The following CNTNAP2 variants were observed in gnomAD, a reference collection of about 807,000 sequenced individuals.
The protein encoded by CNTNAP2 is contactin-associated protein-like 2.
In CNTNAP2, 98 loss-of-function variants were observed where a neutral mutation model predicts 155.2. The ratio of observed to expected loss-of-function variants is 0.63; its 90% CI spans 0.54 to 0.75. CNTNAP2 has a LOEUF of 0.75. Ranked by LOEUF, CNTNAP2 falls within the 30% of genes least tolerant of loss-of-function variation. The probability of loss-of-function intolerance (pLI) is 0.00; values close to 1 mark genes in which losing one functional copy is unlikely to be tolerated. For synonymous variants in CNTNAP2, 651 were observed against 631.2 expected (o/e 1.03, Z -0.47); for missense variants, 1,727 against 1,688.1 (o/e 1.02, Z -0.40).
chr7:146,263,283 A>G (rs140590035), intron 1 of CNTNAP2, among the ~76,000 whole-genome samples: 9,641 of 138,522 alleles, frequency 0.07, 965 homozygotes, highest in African/African-American at 0.28. Flanking sequence ...GGGAGGAAGG[A>G]AGGAAGGAAG....
chr7:148,010,536 TA>T (rs898936203), intron 15 of CNTNAP2, among the ~76,000 whole-genome samples: 30 of 151,932 alleles, frequency 2.0e-4, no homozygotes, highest in Non-Finnish European at 4.0e-4. Context: ...TCAATTTTTT[TA>T]ATGGTATAAT....
At chr7:146,662,396 C>T (rs1268215465) in intron 1 of CNTNAP2, among the ~76,000 whole-genome samples, 3 of 152,204 alleles carry the variant, frequency 2.0e-5, no homozygotes, top group African/African-American at 7.2e-5. Context: ...CTCGGCCTCC[C>T]AAAGTGTTCA....
chr7:147,036,780 C>A (rs1326287107), intron 3 of CNTNAP2, among the ~76,000 whole-genome samples: 1 of 152,056 alleles, frequency 6.6e-6, no homozygotes. Context: ...TTCAACTTTG[C>A]TTTAAGTTTT....
chr7:146,534,316 G>A (rs1797814349), intron 1 of CNTNAP2, among the ~76,000 whole-genome samples: 1 of 152,182 alleles, frequency 6.6e-6, no homozygotes, highest in Non-Finnish European at 1.5e-5. Flanking sequence ...TATGCAGAGT[G>A]CCAAAGACAG....
intron 1 of CNTNAP2, among the ~76,000 whole-genome samples, chr7:146,501,267 T>A (rs1584953354): frequency 6.6e-6 from 1 of 152,154 alleles, no homozygotes; most frequent in East Asian, 1.9e-4. Context: ...ATTCTATATT[T>A]TGGAAGTGTT....
chr7:146,603,087 T>C (rs1798976268), intron 1 of CNTNAP2, among the ~76,000 whole-genome samples: 1 of 151,520 alleles, frequency 6.6e-6, no homozygotes, highest in Non-Finnish European at 1.5e-5. Context: ...TAAATCTAAT[T>C]TACTAAAATA....
intron 8 of CNTNAP2, among the ~76,000 whole-genome samples, chr7:147,266,042 C>G (rs1262208320): frequency 6.6e-6 from 1 of 152,054 alleles, no homozygotes; most frequent in Non-Finnish European, 1.5e-5. Context: ...AAAGAATCAA[C>G]CAAAAAAATG....
intron 13 of CNTNAP2, among the ~76,000 whole-genome samples, chr7:147,840,686 C>A (rs1798713549): frequency 1.3e-5 from 2 of 151,942 alleles, no homozygotes; most frequent in Admixed American, 6.6e-5. Flanking sequence ...GAATGGAGAT[C>A]AGAATGAATT....
At chr7:146,429,147 T>A (rs574590483) in intron 1 of CNTNAP2, among the ~76,000 whole-genome samples, 21 of 152,300 alleles carry the variant, frequency 1.4e-4, no homozygotes, top group African/African-American at 5.1e-4. Flanking sequence ...GTAGTATAGT[T>A]TGAAGCCAGG....
intron 13 of CNTNAP2, among the ~76,000 whole-genome samples, chr7:147,830,263 G>A (rs967004626): frequency 6.6e-6 from 1 of 152,132 alleles, no homozygotes; most frequent in Admixed American, 6.5e-5. Context: ...CCAAGGTATT[G>A]GTGGATCTGG....
chr7:146,928,964 T>G (rs1467906182), intron 3 of CNTNAP2, among the ~76,000 whole-genome samples: 1 of 152,180 alleles, frequency 6.6e-6, no homozygotes, highest in Non-Finnish European at 1.5e-5. Flanking sequence ...CCACCACAGC[T>G]CAAGGAGGCC....
intron 8 of CNTNAP2, among the ~76,000 whole-genome samples, chr7:147,148,339 G>T (rs1038819257): frequency 2.1e-5 from 3 of 142,516 alleles, no homozygotes; most frequent in South Asian, 2.2e-4. Context: ...GCAGTGAGCC[G>T]AGATCCCGCC....
chr7:146,925,054 A>G (rs919166911), intron 3 of CNTNAP2, among the ~76,000 whole-genome samples: 2 of 152,076 alleles, frequency 1.3e-5, no homozygotes, highest in Non-Finnish European at 2.9e-5. Flanking sequence ...CACTCTTTGG[A>G]TGGTTGTAAG....
chr7:146,912,641 A>T (rs1207160084), intron 3 of CNTNAP2, among the ~76,000 whole-genome samples: 1 of 152,128 alleles, frequency 6.6e-6, no homozygotes, highest in African/African-American at 2.4e-5. Flanking sequence ...AAGAGTCCTT[A>T]TTCTAATCTC....
At chr7:148,177,911 T>C (rs1167545103) in intron 18 of CNTNAP2, among the ~76,000 whole-genome samples, 1 of 147,074 alleles carries the variant, frequency 6.8e-6, no homozygotes, top group African/African-American at 2.5e-5. Flanking sequence ...TTTTTTTTGC[T>C]ACATCTAGGT....
intron 1 of CNTNAP2, among the ~76,000 whole-genome samples, chr7:146,457,567 G>A (rs1304868052): frequency 8.8e-5 from 12 of 136,062 alleles, no homozygotes; most frequent in African/African-American, 2.0e-4. Flanking sequence ...GCAGTGGCAC[G>A]ATCTTGGCTC....
intron 1 of CNTNAP2, among the ~76,000 whole-genome samples, chr7:146,466,447 G>T (rs1413536707): frequency 6.6e-6 from 1 of 152,132 alleles, no homozygotes. Context: ...GTTTCAACAG[G>T]CTGTTGTTTT....
chr7:146,732,343 C>T (rs147910926), intron 1 of CNTNAP2, among the ~76,000 whole-genome samples: 1 of 152,168 alleles, frequency 6.6e-6, no homozygotes, highest in Non-Finnish European at 1.5e-5. Context: ...TTTGTTTCAA[C>T]TTACCATAAA....
At chr7:148,401,026 G>A (rs1334691814) in intron 22 of CNTNAP2, among the ~76,000 whole-genome samples, 1 of 151,920 alleles carries the variant, frequency 6.6e-6, no homozygotes, top group African/African-American at 2.4e-5. Context: ...AGGGAACAAT[G>A]ACAAGAAAAA....
Sources: allele counts gnomAD v4.1 joint callset (sites outside exome capture counted in the v4.1 genomes callset), GRCh38; gene constraint gnomAD v4.1.1; transcripts MANE v1.5; gene names NCBI Gene and HGNC (gene_info 2026-07-23, HGNC 2026-07-21).